YAP1: variants seen among roughly 807,000 people sequenced by gnomAD.
YAP1 encodes the protein Yes1 associated transcriptional regulator.
In YAP1, 5 loss-of-function variants were observed where a neutral mutation model predicts 56.9. The observed-to-expected ratio is 0.09, with a 90% CI of 0.05 to 0.18. The LOEUF is 0.18. YAP1 is among the 10% of genes least tolerant of loss of function. The pLI is 1.00. For synonymous variants in YAP1, 265 were observed against 248.1 expected (o/e 1.07, Z -0.64); for missense variants, 539 against 651.8 (o/e 0.83, Z 1.88).
chr11:102,126,167 A>G (rs1308869352), intron 2 of YAP1, among the ~76,000 whole-genome samples: 1 of 152,132 alleles, frequency 6.6e-6, no homozygotes, highest in Admixed American at 6.6e-5. Context: ...GTTGTATGTA[A>G]GCTGAATTTT....
At chr11:102,143,368 C>G (rs1482681607) in intron 2 of YAP1, among the ~76,000 whole-genome samples, 2 of 152,150 alleles carry the variant, frequency 1.3e-5, no homozygotes, top group Non-Finnish European at 2.9e-5. Context: ...ATGTATCCAT[C>G]CACTTACCAA....
In YAP1 at chr11:102,231,257, T is replaced by C. The variant is rs1460704517; in HGVS notation, c.*1317T>C. ...TAATGTGCATGACAGAAATAAGCTT[T>C]ATAGTGGTTTACCTTCATTTAGCTT... On this transcript the variant is annotated 3_prime_UTR_variant, in exon 9 of 9. Transcript: ENST00000282441. 6.6e-6 allele frequency: 1 copy of C among 152,232 alleles called. No homozygotes were observed. The highest frequency in any genetic ancestry group is 1.5e-5 in the Non-Finnish European group (1 of 68,048). 9.4% of individuals were successfully genotyped at this position (152,232 alleles called of 1,614,324 possible). A position where few individuals can be genotyped will look rare whatever the true frequency, so the allele number is the denominator to read the frequency against.
chr11:102,110,811 C>T lies in YAP1; in HGVS notation c.-38C>T. On this transcript the variant is annotated 5_prime_UTR_variant, in exon 1 of 9. Transcript: ENST00000282441. ...GGCGTCCGGGCGTAGCCCTCGCTCG[C>T]CTGGGTCAGGGGGTGCGCGTCGGGG... The T allele has an allele frequency of 2.3e-5, 30 of 1,325,054 alleles. No homozygotes were observed. The highest frequency in any genetic ancestry group is 2.8e-5 in the Non-Finnish European group (29 of 1,042,840). 82.1% of individuals were successfully genotyped at this position (1,325,054 alleles called of 1,614,324 possible). A position where few individuals can be genotyped will look rare whatever the true frequency, so the allele number is the denominator to read the frequency against.
At chr11:102,140,603 G>T (rs1944959352) in intron 2 of YAP1, among the ~76,000 whole-genome samples, 1 of 152,172 alleles carries the variant, frequency 6.6e-6, no homozygotes, top group African/African-American at 2.4e-5. Context: ...CCAGCACTTT[G>T]GGAGGCCAAA....
At chr11:102,112,425 C>CTTTTTTTTTTTTTTTTTTTTTTTTTTT (rs751339753) in intron 1 of YAP1, 22 of 704,124 alleles carry the variant, frequency 3.1e-5, no homozygotes, top group East Asian at 1.6e-4. Context: ...ATTTCTTCTT[C>CTTTTTTTTTTTTTTTTTTTTTTTTTTT]TTTTTTTTTT....
intron 4 of YAP1, among the ~76,000 whole-genome samples, chr11:102,203,258 G>T (rs1948965830): frequency 1.3e-5 from 2 of 152,134 alleles, no homozygotes; most frequent in South Asian, 4.1e-4. Context: ...ACAGAACCAT[G>T]TTATTAAAGA....
intron 3 of YAP1, among the ~76,000 whole-genome samples, chr11:102,183,023 C>G (rs1273448795): frequency 2.0e-5 from 3 of 152,132 alleles, no homozygotes; most frequent in Admixed American, 1.3e-4. Flanking sequence ...CAGGTATTAG[C>G]CTACAAGCTT....
chr11:102,111,381 GT>G (rs1262023848), intron 1 of YAP1, among the ~76,000 whole-genome samples: 5 of 152,098 alleles, frequency 3.3e-5, no homozygotes, highest in Non-Finnish European at 7.4e-5. Context: ...GCTGAGATTT[GT>G]TTTTCCCTTC....
In YAP1 at chr11:102,110,914, GC is replaced by G; in HGVS notation, c.71del (p.Pro24ArgfsTer50). The G allele has an allele frequency of 7.0e-7, 1 of 1,434,172 alleles. No individual in the cohort carries two copies. Among genetic ancestry groups the G allele is most frequent in the South Asian group, 1.4e-5 (1 of 69,732 alleles). 88.8% of individuals were successfully genotyped at this position (1,434,172 alleles called of 1,614,324 possible). On this transcript the variant is annotated frameshift_variant, in exon 1 of 9. Coordinates refer to ENST00000282441, the MANE Select transcript of YAP1 (RefSeq NM_001130145.3). LOFTEE classifies it high-confidence loss of function. ...AGGGCCAAGGGCAGCCGCCTTCGCA[GC>G]CCCCGCAGGGGCAGGGCCCGCCGTC... ...PQGQGQPPSQ[P>X]PQGQGPPSGP...
chr11:102,197,193 A>G (rs1948616992), intron 4 of YAP1, among the ~76,000 whole-genome samples: 1 of 152,202 alleles, frequency 6.6e-6, no homozygotes, highest in African/African-American at 2.4e-5. Flanking sequence ...TATTTCTTCT[A>G]AATGTTTTGA....
At chr11:102,127,933 A>G (rs925108785) in intron 2 of YAP1, among the ~76,000 whole-genome samples, 1 of 152,214 alleles carries the variant, frequency 6.6e-6, no homozygotes, top group Non-Finnish European at 1.5e-5. Context: ...TCGGACTCGC[A>G]TGGGCCCTGT....
chr11:102,115,172 C>G (rs1457769131), intron 2 of YAP1, among the ~76,000 whole-genome samples: 1 of 152,106 alleles, frequency 6.6e-6, no homozygotes, highest in African/African-American at 2.4e-5. Context: ...TTTGAAATTA[C>G]AGATAAGACC....
intron 4 of YAP1, among the ~76,000 whole-genome samples, chr11:102,199,392 C>T (rs1011052803): frequency 2.0e-5 from 3 of 152,060 alleles, no homozygotes; most frequent in Non-Finnish European, 4.4e-5. Flanking sequence ...TTGTTGGTGC[C>T]TGGCAAATCT....
intron 3 of YAP1, among the ~76,000 whole-genome samples, chr11:102,171,188 C>A (rs1366439213): frequency 1.3e-5 from 2 of 152,118 alleles, no homozygotes; most frequent in African/African-American, 4.8e-5. Flanking sequence ...AGCTCAAATG[C>A]CTGTTTTATT....
At chr11:102,225,471 G>A (rs908134509) in intron 7 of YAP1, among the ~76,000 whole-genome samples, 3 of 152,194 alleles carry the variant, frequency 2.0e-5, no homozygotes, top group African/African-American at 7.2e-5. Flanking sequence ...GGCAACAAGA[G>A]TGAAACTTGG....
chr11:102,169,201 C>T (rs1210253127), intron 3 of YAP1, among the ~76,000 whole-genome samples: 1 of 152,112 alleles, frequency 6.6e-6, no homozygotes, highest in African/African-American at 2.4e-5. Flanking sequence ...TGACAGAATC[C>T]ATATCACATA....
rs1222855372 is a variant in YAP1 at position 102,114,304 on chromosome 11, G to T, written c.482G>T (p.Arg161Leu). The T allele has an allele frequency of 6.2e-7, 1 of 1,614,130 alleles. No individual in the cohort carries two copies. Among genetic ancestry groups the T allele is most frequent in the African/African-American group, 1.3e-5 (1 of 75,042 alleles). The part of the protein sequence containing the change: ...PAATPTAQHL[R>L]QSSFEIPDDV... Reference sequence around the variant, plus strand: ...GCTACACCCACAGCTCAGCATCTTCGACAGTCTTCTTTTGAGATACCTGAT... The same window carrying T: ...GCTACACCCACAGCTCAGCATCTTCTACAGTCTTCTTTTGAGATACCTGAT... Residue 161 changes from arginine (R) to leucine (L), a missense_variant, in exon 2 of 9, where the codon CGA becomes CTA. Arg to Leu is a moderately radical substitution (Grantham distance 102). Around this residue, in one of 4 missense-constraint regions of YAP1, gnomAD observed 414 missense variants for 512.4 expected, o/e 0.81. Coordinates refer to ENST00000282441, the MANE Select transcript of YAP1 (RefSeq NM_001130145.3).
rs376495634 is a variant in YAP1 at position 102,184,033 on chromosome 11, C to G, written c.689-1985C>G. On this transcript the variant is annotated intron_variant, in intron 3 of 8. Coordinates refer to ENST00000282441, the MANE Select transcript of YAP1 (RefSeq NM_001130145.3). ...CGGAGCTTGCAGTGAGCCGAGATCC[C>G]GCCACTGCACTCCAGCCTGGGCGAC... Among the ~76,000 whole-genome samples the G allele has an allele frequency of 2.8e-4, 42 of 147,698 alleles. 1 individual carries two copies. In the East Asian group the frequency reaches 5.4e-3, roughly 19 times the overall value.
intron 2 of YAP1, among the ~76,000 whole-genome samples, chr11:102,137,595 G>C (rs1440633512): frequency 6.6e-6 from 1 of 152,206 alleles, no homozygotes. Context: ...ATGCTTAAAA[G>C]ACTTTGCTGC....
Sources: gnomAD v4.1 joint callset for allele counts (sites outside exome capture counted in the v4.1 genomes callset) on GRCh38, gnomAD v4.1.1 for gene constraint, gnomAD v4.1.1 regional missense constraint, MANE v1.5 for transcripts, NCBI Gene and HGNC (gene_info 2026-07-23, HGNC 2026-07-21) for gene names.